Variants in IFT74 observed in about 807,000 individuals in gnomAD.
The protein encoded by IFT74 is intraflagellar transport protein 74 homolog.
In IFT74, 92 loss-of-function variants were observed where a neutral mutation model predicts 96.7. The observed-to-expected ratio is 0.95, with a 90% CI of 0.80 to 1.13. IFT74 has a LOEUF of 1.13. Ranked by LOEUF, IFT74 falls within the 50% of genes most tolerant of loss-of-function variation. The pLI is 0.00. For missense variants in IFT74, 811 were observed against 698.2 expected (o/e 1.16, Z -1.82); for synonymous variants, 223 against 213.2 (o/e 1.05, Z -0.40).
intron 10 of IFT74, among the ~76,000 whole-genome samples, chr9:27,016,367 T>A (rs1829343811): frequency 1.3e-5 from 2 of 152,190 alleles, no homozygotes; most frequent in African/African-American, 2.4e-5. Context: ...CCACCCCTAA[T>A]GACCATATCT....
chr9:26,948,589 C>T, intron 1 of IFT74, among the ~76,000 whole-genome samples: 1 of 150,586 alleles, frequency 6.6e-6, no homozygotes, highest in East Asian at 1.9e-4. Context: ...GCCTCAGCCT[C>T]CCGAGTAGCT....
intron 16 of IFT74, 73 bp from the exon 17 acceptor site, chr9:27,055,536 A>G (rs1820122188): frequency 1.1e-6 from 1 of 943,622 alleles, no homozygotes. Flanking sequence ...GATTTTTAAT[A>G]GTTGCATTAC....
At chr9:26,962,111 A>G (rs747577426) in intron 2 of IFT74, 24 bp downstream of exon 2, 2 of 1,613,336 alleles carry the variant, frequency 1.2e-6, no homozygotes, top group Non-Finnish European at 1.7e-6. Flanking sequence ...AAATCTATTT[A>G]CTTTGGGAGG....
rs1243274892 is a variant in IFT74 at position 27,016,979 on chromosome 9, C to G, written c.862C>G (p.Arg288Gly). 1 of 1,610,276 alleles carries G rather than the reference C, an allele frequency of 6.2e-7. No individual in the cohort carries two copies. Among genetic ancestry groups the G allele is most frequent in the Admixed American group, 1.7e-5 (1 of 59,552 alleles). The change falls in exon 11 of 20, where the codon CGA (arginine) becomes GGA (glycine). Residue 288 changes from arginine (R) to glycine (G), a missense_variant. Transcript: ENST00000380062. ...HEKLYELESH[R>G]DQMIAEDKSI... ...AAAACTTTATGAGTTGGAGTCCCAT[C>G]GAGATCAAATGATTGCAGAAGACAA...
At chr9:26,965,880 G>A (rs1431921234) in intron 2 of IFT74, among the ~76,000 whole-genome samples, 3 of 151,936 alleles carry the variant, frequency 2.0e-5, no homozygotes, top group African/African-American at 7.3e-5. Flanking sequence ...GAGAACATGC[G>A]GTATTTGACT....
intron 13 of IFT74, among the ~76,000 whole-genome samples, chr9:27,029,435 T>C (rs938002467): frequency 2.0e-5 from 3 of 152,144 alleles, no homozygotes; most frequent in African/African-American, 7.2e-5. Flanking sequence ...TTCCTAGTAA[T>C]AGTCAATAGT....
rs1251336388 is a variant in IFT74 at position 27,064,758 on chromosome 9, A to G, written c.*2022A>G. 2.6e-5 allele frequency among the ~76,000 whole-genome samples: 4 copies of G among 151,802 alleles called. No individual in the cohort carries two copies. The highest frequency in any genetic ancestry group is 6.6e-5 in the Admixed American group (1 of 15,244). On this transcript the variant is annotated 3_prime_UTR_variant, in exon 20 of 20. Coordinates refer to ENST00000380062, the MANE Select transcript of IFT74 (RefSeq NM_025103.4). ...CTTTTTCCTTAGGTTTTTTTTTATG[A>G]TTTCTACTTAAGTGTTCTTGACATT...
chr9:26,983,855 C>T (rs1201604759), intron 4 of IFT74: 1 of 146,908 alleles, frequency 6.8e-6, no homozygotes, highest in East Asian at 2.0e-4. Flanking sequence ...ACGATCTTGG[C>T]TCACTACAGT....
chr9:26,964,752 A>G (rs537892208), intron 2 of IFT74, among the ~76,000 whole-genome samples: 2 of 152,304 alleles, frequency 1.3e-5, no homozygotes, highest in South Asian at 4.1e-4. Context: ...ATCTAGAACA[A>G]TACCACAAAA....
At chr9:26,986,646 A>T (rs368051729) in intron 6 of IFT74, among the ~76,000 whole-genome samples, 1 of 151,644 alleles carries the variant, frequency 6.6e-6, no homozygotes, top group South Asian at 2.1e-4. Flanking sequence ...TTTTAGAGAT[A>T]GGGTCTTGCT....
At chr9:26,978,069 TA>T in intron 2 of IFT74, 58 bp from the exon 3 acceptor site, 1 of 1,434,564 alleles carries the variant, frequency 7.0e-7, no homozygotes, top group Non-Finnish European at 9.3e-7. Context: ...AGTTTTACAA[TA>T]AAAGATGTAC....
chr9:26,970,013 C>T (rs1202917634), intron 2 of IFT74, among the ~76,000 whole-genome samples: 1 of 151,496 alleles, frequency 6.6e-6, no homozygotes, highest in Non-Finnish European at 1.5e-5. Flanking sequence ...TTCCTATTCT[C>T]TTTTTTATTT....
At chr9:27,012,823 T>G (rs1021570633) in intron 10 of IFT74, among the ~76,000 whole-genome samples, 1 of 147,586 alleles carries the variant, frequency 6.8e-6, no homozygotes, top group Non-Finnish European at 1.5e-5. Flanking sequence ...TTCACGCCAT[T>G]CTCCTGCCTC....
chr9:26,976,195 G>A (rs927462322), intron 2 of IFT74, among the ~76,000 whole-genome samples: 3 of 152,128 alleles, frequency 2.0e-5, no homozygotes, highest in African/African-American at 7.2e-5. Context: ...GCGACAGTGG[G>A]ACACGTCTCC....
At chr9:27,043,478 T>C (rs1378600993) in intron 13 of IFT74, among the ~76,000 whole-genome samples, 3 of 152,186 alleles carry the variant, frequency 2.0e-5, no homozygotes, top group African/African-American at 7.2e-5. Context: ...CCTTCAAAGC[T>C]CAGTTTTTCT....
At chr9:26,963,752 GTCT>G (rs1826477550) in intron 2 of IFT74, among the ~76,000 whole-genome samples, 1 of 152,208 alleles carries the variant, frequency 6.6e-6, no homozygotes, top group Admixed American at 6.5e-5. Flanking sequence ...CTGCATAAAT[GTCT>G]TCTTTTGGGA....
chr9:27,012,011 A>G (rs969794079), intron 10 of IFT74, 43 bp downstream of exon 10: 2 of 1,312,972 alleles, frequency 1.5e-6, no homozygotes, highest in African/African-American at 3.1e-5. Context: ...TACTCAGCTA[A>G]AAAAGTTAAT....
intron 13 of IFT74, among the ~76,000 whole-genome samples, chr9:27,039,910 A>G (rs1336412429): frequency 2.6e-5 from 4 of 152,212 alleles, no homozygotes; most frequent in Non-Finnish European, 5.9e-5. Flanking sequence ...TGTGAAAAGT[A>G]GATGGGAGAG....
At chr9:27,006,044 A>G (rs1444537695) in intron 8 of IFT74, among the ~76,000 whole-genome samples, 1 of 151,956 alleles carries the variant, frequency 6.6e-6, no homozygotes, top group East Asian at 1.9e-4. Flanking sequence ...CGGTTTCACC[A>G]TGTTGGCCAG....
Sources: gnomAD v4.1 joint callset for allele counts (sites outside exome capture counted in the v4.1 genomes callset) on GRCh38, gnomAD v4.1.1 for gene constraint, MANE v1.5 for transcripts, NCBI Gene and HGNC (gene_info 2026-07-23, HGNC 2026-07-21) for gene names.